The following CEACAM18 variants were observed in gnomAD, a reference collection of about 807,000 sequenced individuals.
CEACAM18 encodes the protein cell adhesion molecule CEACAM18.
Under a neutral mutation model 34.3 loss-of-function variants are expected in CEACAM18, and 33 were observed. The ratio of observed to expected loss-of-function variants is 0.96; its 90% CI spans 0.73 to 1.29. The LOEUF is 1.29. CEACAM18 is among the 50% of genes most tolerant of loss of function. The probability of loss-of-function intolerance (pLI) is 0.00; values close to 1 mark genes in which losing one functional copy is unlikely to be tolerated. For synonymous variants in CEACAM18, 169 were observed against 180.9 expected, an observed-to-expected ratio of 0.93 and a Z score of 0.53; for missense variants, 474 against 485.0, an observed-to-expected ratio of 0.98 and a Z score of 0.21.
chr19:51,478,539 G>T, upstream of CEACAM18: 18 of 1,057,242 alleles, frequency 1.7e-5, no homozygotes, highest in Non-Finnish European at 2.6e-5. Context: ...GCTGGGAGAC[G>T]AGACCGGCAG....
intron 1 of CEACAM18, 83 bp downstream of exon 1, chr19:51,478,777 A>C: frequency 7.9e-6 from 8 of 1,008,752 alleles, no homozygotes; most frequent in Non-Finnish European, 1.1e-5. Flanking sequence ...GGGGGCTGGG[A>C]CCATCCCCAT....
At chr19:51,484,074 T>G (rs1208335662) in intron 4 of CEACAM18, among the ~76,000 whole-genome samples, 1 of 152,094 alleles carries the variant, frequency 6.6e-6, no homozygotes, top group Non-Finnish European at 1.5e-5. Flanking sequence ...CTCAGTTTCC[T>G]CAACTGTAAT....
At chr19:51,481,483 C>T in exon 3 of CEACAM18, 1 of 1,613,986 alleles carries the variant, frequency 6.2e-7, no homozygotes, top group Non-Finnish European at 8.5e-7. Flanking sequence ...ACAAATGTCA[C>T]CAACATCACG....
In CEACAM18 at chr19:51,481,889, C is replaced by T. The variant is rs1021947205; in HGVS notation, c.673+224C>T. Among the ~76,000 whole-genome samples the T allele has an allele frequency of 2.6e-5, 4 of 152,156 alleles. No homozygotes were observed. The South Asian group carries it at 6.2e-4, about 24-fold the overall frequency. ...TACACTCGAGTTTGAAATGAAGACG[C>T]CAGTCCCCACTTCTCAGATTAGAAA... On this transcript the variant is annotated intron_variant, in intron 3 of 5. Coordinates refer to ENST00000396477, the Ensembl canonical transcript of CEACAM18.
chr19:51,479,082 A>G lies in CEACAM18; in HGVS notation c.52+388A>G, dbSNP rs181157228. On this transcript the variant is annotated intron_variant, in intron 1 of 5. Transcript: ENST00000396477. ...CACTCACCTCCCACTGGGTGCCCCA[A>G]TCTGCCCCATCCCCTCCCCCACCTC... Among the ~76,000 whole-genome samples the G allele has an allele frequency of 2.8e-3, 419 of 151,902 alleles. 4 individuals are homozygous for G. Among genetic ancestry groups the G allele is most frequent in the African/African-American group, 9.7e-3 (403 of 41,422 alleles).
chr19:51,490,465 G>T, intron 5 of CEACAM18, 122 bp from the exon 6 acceptor site: 1 of 747,808 alleles, frequency 1.3e-6, no homozygotes, highest in African/African-American at 1.8e-5. Context: ...TGGGTCCCAT[G>T]TGAGGAAGAC....
upstream of CEACAM18, chr19:51,478,587 A>T (rs544804629): frequency 6.8e-7 from 1 of 1,465,648 alleles, no homozygotes; most frequent in Admixed American, 1.8e-5. Flanking sequence ...GAGGGAGCAG[A>T]GGAGGTGGCT....
chr19:51,486,907 A>T (rs1315909716), intron 5 of CEACAM18, among the ~76,000 whole-genome samples: 1 of 149,980 alleles, frequency 6.7e-6, no homozygotes, highest in Non-Finnish European at 1.5e-5. Context: ...TTTTTTTAGT[A>T]GAGACGGGGT....
At chr19:51,489,148 C>T (rs1002142677) in intron 5 of CEACAM18, among the ~76,000 whole-genome samples, 1 of 146,794 alleles carries the variant, frequency 6.8e-6, no homozygotes, top group African/African-American at 2.5e-5. Flanking sequence ...CTGAGGTTGA[C>T]TTAATGTCAA....
At chr19:51,485,781 G>A (rs554686783) in intron 5 of CEACAM18, among the ~76,000 whole-genome samples, 1 of 152,334 alleles carries the variant, frequency 6.6e-6, no homozygotes, top group South Asian at 2.1e-4. Context: ...TTCTCTGATG[G>A]GGAAGAGGAG....
intron 3 of CEACAM18, among the ~76,000 whole-genome samples, chr19:51,482,258 G>A (rs139822284): frequency 1.8e-3 from 267 of 152,108 alleles, no homozygotes; most frequent in Non-Finnish European, 2.6e-3. Context: ...CTTGGAAATC[G>A]AATACGCTGA....
intron 5 of CEACAM18, 131 bp from the exon 6 acceptor site, chr19:51,490,456 G>T: frequency 1.6e-6 from 1 of 630,342 alleles, no homozygotes. Flanking sequence ...CTCCTCCATT[G>T]GGTCCCATGT....
At chr19:51,485,248 G>A (rs1355971822) in intron 5 of CEACAM18, 126 bp downstream of exon 5, 37 of 948,822 alleles carry the variant, frequency 3.9e-5, no homozygotes, top group Admixed American at 9.1e-5. Flanking sequence ...AGGTTGTCAG[G>A]GATCATCTGG....
chr19:51,480,391 C>G lies in CEACAM18; in HGVS notation c.111C>G (p.Thr37=), dbSNP rs374189922. ...CTGGCCAAATCTTCATCACCCAAAC[C>G]CTGGGGATCAAGGGATATCGGACTG... The change falls in exon 2 of 6, where the codon ACC becomes ACG. Residue 37 remains threonine (T), a synonymous_variant. Coordinates refer to ENST00000396477, the Ensembl canonical transcript of CEACAM18. 7.4e-6 allele frequency: 12 copies of G among 1,613,018 alleles called. No homozygotes were observed. The East Asian group carries it at 8.9e-5, about 12-fold the overall frequency.
chr19:51,487,455 C>T (rs1267714248), intron 5 of CEACAM18, among the ~76,000 whole-genome samples: 4 of 152,096 alleles, frequency 2.6e-5, no homozygotes, highest in Admixed American at 6.6e-5. Flanking sequence ...GCCTGGGCAA[C>T]AGACACCCTG....
chr19:51,485,409 G>A (rs139842060), intron 5 of CEACAM18, among the ~76,000 whole-genome samples: 11 of 152,274 alleles, frequency 7.2e-5, no homozygotes, highest in African/African-American at 2.4e-4. Flanking sequence ...TAGAGGGACA[G>A]GTAAAAAAAT....
At chr19:51,486,455 T>C (rs1199085867) in intron 5 of CEACAM18, among the ~76,000 whole-genome samples, 1 of 151,904 alleles carries the variant, frequency 6.6e-6, no homozygotes, top group Non-Finnish European at 1.5e-5. Context: ...GAGGAAGCTG[T>C]TTCTTAGGGG....
chr19:51,482,442 C>T (rs148892603), intron 3 of CEACAM18, among the ~76,000 whole-genome samples: 50 of 152,286 alleles, frequency 3.3e-4, no homozygotes, highest in African/African-American at 1.1e-3. Context: ...GCGCAGGCTA[C>T]GGCACCCATC....
Position 51,490,465 on chromosome 19 carries a change from G to A in CEACAM18, c.1090-122G>A, listed in dbSNP as rs139330289. On this transcript the variant is annotated intron_variant, in intron 5 of 5. Coordinates refer to ENST00000396477, the Ensembl canonical transcript of CEACAM18. ...GACCATCTCCTCCATTGGGTCCCAT[G>A]TGAGGAAGACTTAGGCTTGGACTTG... 1,140 of 747,798 alleles carry A rather than the reference G, an allele frequency of 1.5e-3. 3 individuals are homozygous for A. Among genetic ancestry groups the A allele is most frequent in the Non-Finnish European group, 1.8e-3 (986 of 546,862 alleles). The allele number at this position is 747,798 out of a possible 1,614,324, so 46.3% of individuals were successfully genotyped here.
Sources: allele counts gnomAD v4.1 joint callset (sites outside exome capture counted in the v4.1 genomes callset), GRCh38; gene constraint gnomAD v4.1.1; transcripts MANE v1.5; gene names NCBI Gene and HGNC (gene_info 2026-07-23, HGNC 2026-07-21).